The following CDH13 variants were observed in gnomAD, a reference collection of about 807,000 sequenced individuals.
CDH13 encodes cadherin-13.
Under a neutral mutation model 63.8 loss-of-function variants are expected in CDH13, and 24 were observed. The ratio of observed to expected loss-of-function variants is 0.38; its 90% CI spans 0.27 to 0.53. The LOEUF (loss-of-function observed/expected upper bound fraction) is 0.53, where lower values mean the gene tolerates loss of function less well. Among genes scored for constraint, CDH13 ranks in the 20% least tolerant of loss-of-function variants. The pLI is 0.85. For missense variants in CDH13, 1,049 were observed against 903.1 expected, an observed-to-expected ratio of 1.16 and a Z score of -2.07; for synonymous variants, 503 against 355.3, an observed-to-expected ratio of 1.42 and a Z score of -4.67.
At chr16:82,761,835 A>AT (rs1048390145) in intron 1 of CDH13, among the ~76,000 whole-genome samples, 107 of 152,086 alleles carry the variant, frequency 7.0e-4, no homozygotes, top group African/African-American at 2.4e-3. Flanking sequence ...ATGACTTATG[A>AT]TTTTTTATAC....
At chr16:83,208,001 G>A (rs1022394398) in intron 4 of CDH13, among the ~76,000 whole-genome samples, 1 of 152,128 alleles carries the variant, frequency 6.6e-6, no homozygotes, top group Non-Finnish European at 1.5e-5. Flanking sequence ...TGTGTTGCTG[G>A]AGTTTTATTT....
chr16:83,588,263 T>C (rs950200544), intron 7 of CDH13, among the ~76,000 whole-genome samples: 1 of 152,240 alleles, frequency 6.6e-6, no homozygotes, highest in African/African-American at 2.4e-5. Flanking sequence ...TTCTAGAGAC[T>C]GATTCAGCCT....
intron 1 of CDH13, among the ~76,000 whole-genome samples, chr16:82,715,021 C>T (rs752947135): frequency 1.4e-5 from 2 of 142,066 alleles, no homozygotes; most frequent in South Asian, 2.6e-4. Flanking sequence ...ATACAAAGTC[C>T]CAAACTCTTT....
At chr16:82,687,940 T>G (rs1915248771) in intron 1 of CDH13, among the ~76,000 whole-genome samples, 1 of 152,098 alleles carries the variant, frequency 6.6e-6, no homozygotes, top group Non-Finnish European at 1.5e-5. Context: ...CAGACATGCT[T>G]GGGACCGCGT....
At chr16:83,680,327 C>G (rs731258) in intron 10 of CDH13, among the ~76,000 whole-genome samples, 1 of 151,982 alleles carries the variant, frequency 6.6e-6, no homozygotes, top group Non-Finnish European at 1.5e-5. Context: ...AGTGATCAAC[C>G]GGGATGATGT....
chr16:83,455,760 T>C (rs1232162522), intron 6 of CDH13, among the ~76,000 whole-genome samples: 2 of 152,230 alleles, frequency 1.3e-5, no homozygotes, highest in African/African-American at 2.4e-5. Context: ...CGTTTTCCTT[T>C]GTCACTTAAA....
rs758199647 is a variant in CDH13, at chr16:83,032,123, G to C, written c.271G>C (p.Gly91Arg). ...LVALRNITAVGKTLFVHARTP... is the reference protein window; with the variant it reads ...LVALRNITAVRKTLFVHARTP... The stretch of plus-strand genomic sequence containing the variant: ...TGCTCTGAGAAACATAACTGCAGTG[G>C]GCAAAACTCTGTTCGTCCATGCACG... Residue 91 changes from glycine (G) to arginine (R), a missense_variant, in exon 3 of 14, where the codon GGC becomes CGC. Transcript: ENST00000567109. 6.2e-7 allele frequency: 1 copy of C among 1,613,420 alleles called. No individual in the cohort carries two copies. The highest frequency in any genetic ancestry group is 8.5e-7 in the Non-Finnish European group (1 of 1,179,770).
chr16:83,099,392 C>T (rs193183349), intron 3 of CDH13, among the ~76,000 whole-genome samples: 22 of 151,988 alleles, frequency 1.4e-4, no homozygotes, highest in African/African-American at 5.3e-4. Context: ...GGTGCAATCT[C>T]AGCTCATTGC....
At chr16:82,893,128 A>G (rs1436607093) in intron 2 of CDH13, among the ~76,000 whole-genome samples, 2 of 152,264 alleles carry the variant, frequency 1.3e-5, no homozygotes, top group Non-Finnish European at 2.9e-5. Flanking sequence ...TTAGCACTAC[A>G]GAATGAAAGC....
intron 4 of CDH13, among the ~76,000 whole-genome samples, chr16:83,177,517 T>A (rs576184591): frequency 1.8e-4 from 28 of 152,288 alleles, no homozygotes; most frequent in South Asian, 6.2e-4. Flanking sequence ...AGTTGGAGAT[T>A]GTGATGATAA....
intron 1 of CDH13, among the ~76,000 whole-genome samples, chr16:82,714,104 G>A: frequency 6.6e-6 from 1 of 152,012 alleles, no homozygotes; most frequent in East Asian, 1.9e-4. Context: ...TGAACAAGTG[G>A]GTGTTGTTTT....
intron 10 of CDH13, among the ~76,000 whole-genome samples, chr16:83,685,477 A>G (rs1904297730): frequency 6.6e-6 from 1 of 152,198 alleles, no homozygotes. Context: ...ACAGCAATTC[A>G]TTCATTCATG....
In CDH13 at chr16:83,101,436, C is replaced by G. The variant is rs543670437; in HGVS notation, c.367-23949C>G. Among the ~76,000 whole-genome samples, 232 of 135,408 alleles carry G rather than the reference C, an allele frequency of 1.7e-3. 1 individual carries two copies. Among genetic ancestry groups the G allele is most frequent in the African/African-American group, 5.8e-3 (214 of 37,008 alleles). The allele number at this position is 135,408 out of a possible 152,430, so 88.8% of individuals were successfully genotyped here. A position where few individuals can be genotyped will look rare whatever the true frequency, so the allele number is the denominator to read the frequency against. ...TTAGTATGTTAGATTGTGATATTGC[C>G]AAAAAAAAAAAGAGTAAAATAAAGC... On this transcript the variant is annotated intron_variant, in intron 3 of 13. Transcript: ENST00000567109.
intron 5 of CDH13, among the ~76,000 whole-genome samples, chr16:83,293,842 A>T (rs1045834746): frequency 6.6e-6 from 1 of 152,218 alleles, no homozygotes; most frequent in African/African-American, 2.4e-5. Flanking sequence ...TAACAATAGG[A>T]ATAACAATCA....
intron 1 of CDH13, among the ~76,000 whole-genome samples, chr16:82,801,352 G>A (rs897646833): frequency 6.6e-6 from 1 of 152,134 alleles, no homozygotes; most frequent in African/African-American, 2.4e-5. Flanking sequence ...GATGCTCCTC[G>A]AGGGACCTCT....
chr16:82,984,550 C>T (rs1013763843), intron 2 of CDH13, among the ~76,000 whole-genome samples: 2 of 152,158 alleles, frequency 1.3e-5, no homozygotes, highest in African/African-American at 2.4e-5. Context: ...ATAATGATAA[C>T]AGTTAACATT....
chr16:82,990,523 G>A (rs1383525605), intron 2 of CDH13, among the ~76,000 whole-genome samples: 1 of 150,428 alleles, frequency 6.6e-6, no homozygotes, highest in East Asian at 2.0e-4. Context: ...CTTCCTTGTC[G>A]TTTGTGTGGG....
At chr16:82,758,430 C>A (rs1022560448) in intron 1 of CDH13, among the ~76,000 whole-genome samples, 5 of 151,326 alleles carry the variant, frequency 3.3e-5, no homozygotes, top group Non-Finnish European at 7.4e-5. Context: ...GTTGATACCC[C>A]CCCCCCTTTG....
intron 1 of CDH13, among the ~76,000 whole-genome samples, chr16:82,743,477 C>A (rs2034026557): frequency 6.6e-6 from 1 of 152,138 alleles, no homozygotes; most frequent in African/African-American, 2.4e-5. Flanking sequence ...CTTCAGCCTC[C>A]CAAAATGGTG....
Sources: gnomAD v4.1 joint callset for allele counts (sites outside exome capture counted in the v4.1 genomes callset) on GRCh38, gnomAD v4.1.1 for gene constraint, MANE v1.5 for transcripts, NCBI Gene and HGNC (gene_info 2026-07-23, HGNC 2026-07-21) for gene names.